Variants in GABRG3 observed in about 807,000 individuals in gnomAD.
GABRG3 encodes the protein gamma-aminobutyric acid type A receptor subunit gamma3.
A neutral mutation model predicts 48.8 loss-of-function variants in GABRG3; 25 were observed. The observed-to-expected ratio is 0.51, with a 90% CI of 0.37 to 0.72. The LOEUF is 0.72. GABRG3 is among the 30% of genes least tolerant of loss of function. The pLI is 0.00. For synonymous variants in GABRG3, 227 were observed against 217.6 expected (o/e 1.04, Z -0.38); for missense variants, 394 against 577.9 (o/e 0.68, Z 3.26).
intron 3 of GABRG3, among the ~76,000 whole-genome samples, chr15:27,246,490 G>A (rs917671954): frequency 2.6e-5 from 4 of 152,070 alleles, no homozygotes; most frequent in East Asian, 1.9e-4. Flanking sequence ...TAAAGGTTAC[G>A]TATCATTTTG....
intron 3 of GABRG3, among the ~76,000 whole-genome samples, chr15:27,318,691 C>G (rs2140512951): frequency 6.6e-6 from 1 of 152,200 alleles, no homozygotes; most frequent in South Asian, 2.1e-4. Context: ...CAATATGTCC[C>G]CTTCACACTG....
intron 5 of GABRG3, among the ~76,000 whole-genome samples, chr15:27,329,528 G>C (rs937007849): frequency 1.3e-5 from 2 of 152,144 alleles, no homozygotes; most frequent in African/African-American, 2.4e-5. Flanking sequence ...GCCTCCCAAA[G>C]TGCTGGGATT....
intron 3 of GABRG3, among the ~76,000 whole-genome samples, chr15:27,032,212 A>T (rs532234299): frequency 9.6e-4 from 146 of 152,224 alleles, no homozygotes; most frequent in Non-Finnish European, 1.7e-3. Context: ...CAGTTCGAAA[A>T]TTTTAATTTG....
intron 5 of GABRG3, among the ~76,000 whole-genome samples, chr15:27,461,269 G>A (rs982566657): frequency 6.6e-6 from 1 of 152,134 alleles, no homozygotes; most frequent in African/African-American, 2.4e-5. Context: ...ACATGTGTGC[G>A]TTATTTTTAT....
Position 26,975,152 on chromosome 15 carries a change from C to T in GABRG3, c.54-1850C>T, listed in dbSNP as rs1411711213. On this transcript the variant is annotated intron_variant, in intron 1 of 9. Coordinates refer to ENST00000615808, the MANE Select transcript of GABRG3 (RefSeq NM_033223.5). This position sits in a 1 kb window ranked among gnomAD's most constrained non-coding sequence, Gnocchi z 4.6. ...TTGGCTTCCCAAAGTGTTGGGATTACAGGCGTGAACAACCATGCCCGGCCA... is the reference window on the plus strand; with the variant it reads ...TTGGCTTCCCAAAGTGTTGGGATTATAGGCGTGAACAACCATGCCCGGCCA... Among the ~76,000 whole-genome samples the T allele has an allele frequency of 6.6e-6, 1 of 152,104 alleles. No homozygotes were observed. Among genetic ancestry groups the T allele is most frequent in the Admixed American group, 6.5e-5 (1 of 15,276 alleles).
At chr15:27,320,177 C>A (rs922807802) in intron 3 of GABRG3, among the ~76,000 whole-genome samples, 2 of 152,170 alleles carry the variant, frequency 1.3e-5, no homozygotes, top group African/African-American at 4.8e-5. Flanking sequence ...TTCACTTGGT[C>A]TTTTACTGCT....
At chr15:27,501,014 C>A (rs891090360) in intron 6 of GABRG3, among the ~76,000 whole-genome samples, 5 of 145,356 alleles carry the variant, frequency 3.4e-5, no homozygotes, top group South Asian at 2.2e-4. Context: ...TGCAGTGGCG[C>A]GATCTCGGCT....
chr15:26,982,507 G>A (rs1443100633), intron 2 of GABRG3, among the ~76,000 whole-genome samples: 2 of 152,204 alleles, frequency 1.3e-5, no homozygotes, highest in East Asian at 3.9e-4. Flanking sequence ...CTCAAGGCAA[G>A]CCTATTCAAA....
At chr15:27,506,932 T>C (rs1890775528) in intron 6 of GABRG3, among the ~76,000 whole-genome samples, 1 of 152,154 alleles carries the variant, frequency 6.6e-6, no homozygotes, top group African/African-American at 2.4e-5. Context: ...GGGTCTTTTA[T>C]TCTTTGCAAT....
At chr15:27,102,157 C>T (rs1033242198) in intron 3 of GABRG3, among the ~76,000 whole-genome samples, 3 of 152,170 alleles carry the variant, frequency 2.0e-5, no homozygotes, top group Non-Finnish European at 4.4e-5. Context: ...CAGCAAGGCC[C>T]GGGAGTCCCA....
chr15:27,497,711 G>A (rs1253310247), intron 6 of GABRG3, among the ~76,000 whole-genome samples: 2 of 152,098 alleles, frequency 1.3e-5, no homozygotes, highest in Admixed American at 6.5e-5. Flanking sequence ...TTGATATGTT[G>A]TGTGTTTCAT....
chr15:27,389,314 G>A lies in GABRG3; in HGVS notation c.574+60426G>A, dbSNP rs143039001. On this transcript the variant is annotated intron_variant, in intron 5 of 9. Coordinates refer to ENST00000615808, the MANE Select transcript of GABRG3 (RefSeq NM_033223.5). ...TCCAGTGGTAAGTGTGTGTGGAAAG[G>A]GGTAGTTTTATGATAGCGTAGATCA... 5.6e-3 allele frequency among the ~76,000 whole-genome samples: 849 copies of A among 152,324 alleles called. 14 individuals are homozygous for A. Among genetic ancestry groups the A allele is most frequent in the African/African-American group, 0.019 (806 of 41,578 alleles).
At chr15:27,279,822 T>G (rs953873707) in intron 3 of GABRG3, among the ~76,000 whole-genome samples, 6 of 152,190 alleles carry the variant, frequency 3.9e-5, no homozygotes, top group African/African-American at 1.4e-4. Context: ...TATATTAAAC[T>G]AACAGGTTAG....
At chr15:27,053,904 T>C (rs1360679051) in intron 3 of GABRG3, among the ~76,000 whole-genome samples, 1 of 152,222 alleles carries the variant, frequency 6.6e-6, no homozygotes, top group Non-Finnish European at 1.5e-5. Flanking sequence ...TCATCACTTA[T>C]AAGTGGAAGC....
At chr15:27,115,863 C>G (rs1054281692) in intron 3 of GABRG3, among the ~76,000 whole-genome samples, 3 of 152,148 alleles carry the variant, frequency 2.0e-5, no homozygotes, top group Non-Finnish European at 4.4e-5. Flanking sequence ...TGACTCCTGT[C>G]AAACGAAAAC....
chr15:27,335,780 C>T (rs1184550936), intron 5 of GABRG3, among the ~76,000 whole-genome samples: 1 of 152,106 alleles, frequency 6.6e-6, no homozygotes, highest in East Asian at 1.9e-4. Flanking sequence ...CTTACTATGA[C>T]TGAGTTGTAC....
At chr15:27,361,024 G>A (rs1019426642) in intron 5 of GABRG3, among the ~76,000 whole-genome samples, 3 of 152,286 alleles carry the variant, frequency 2.0e-5, no homozygotes, top group South Asian at 2.1e-4. Context: ...AGGACTGAGG[G>A]GCCCGTGTGA....
chr15:27,492,479 G>A (rs1191467912), intron 6 of GABRG3, among the ~76,000 whole-genome samples: 2 of 152,150 alleles, frequency 1.3e-5, no homozygotes, highest in Non-Finnish European at 2.9e-5. Context: ...GTGGGATCCG[G>A]GGCAAGTCTA....
At chr15:26,996,784 G>A (rs532781442) in intron 2 of GABRG3, among the ~76,000 whole-genome samples, 109 of 152,020 alleles carry the variant, frequency 7.2e-4, no homozygotes, top group African/African-American at 2.4e-3. Context: ...CGAGTAGCTG[G>A]GACTACAGGC....
Sources: allele counts gnomAD v4.1 joint callset (sites outside exome capture counted in the v4.1 genomes callset), GRCh38; gene constraint gnomAD v4.1.1; non-coding constraint Gnocchi (gnomAD v3.1); transcripts MANE v1.5; gene names NCBI Gene and HGNC (gene_info 2026-07-23, HGNC 2026-07-21).